Variants in TPRG1 observed in about 807,000 individuals in gnomAD.
TPRG1 encodes the protein tumor protein p63-regulated gene 1 protein.
TPRG1 carries 29 observed loss-of-function variants against 29.3 expected under a neutral mutation model. The ratio of observed to expected loss-of-function variants is 0.99; its 90% CI spans 0.74 to 1.35. The LOEUF (loss-of-function observed/expected upper bound fraction) is 1.35. TPRG1 is among the 40% of genes most tolerant of loss of function. TPRG1 has a pLI of 0.00. For synonymous variants in TPRG1, 130 were observed against 116.8 expected (o/e 1.11, Z -0.73); for missense variants, 327 against 335.0 (o/e 0.98, Z 0.19).
At chr3:189,187,217 G>C (rs1217877688) in intron 1 of TPRG1, among the ~76,000 whole-genome samples, 3 of 151,686 alleles carry the variant, frequency 2.0e-5, no homozygotes, top group Non-Finnish European at 2.9e-5. Context: ...CAAACCACTG[G>C]GCTCCAGCGA....
chr3:189,247,908 T>A (rs906662175), intron 4 of TPRG1, among the ~76,000 whole-genome samples: 1 of 151,954 alleles, frequency 6.6e-6, no homozygotes, highest in Non-Finnish European at 1.5e-5. Context: ...CTATTGAATA[T>A]TAATTGCAAG....
chr3:189,311,041 C>T (rs547954946), intron 5 of TPRG1, among the ~76,000 whole-genome samples: 1 of 152,130 alleles, frequency 6.6e-6, no homozygotes, highest in East Asian at 1.9e-4. Context: ...TATAAATACT[C>T]CATGAAGTGT....
intron 4 of TPRG1, among the ~76,000 whole-genome samples, chr3:189,243,660 G>T (rs1740962181): frequency 6.6e-6 from 1 of 152,004 alleles, no homozygotes; most frequent in African/African-American, 2.4e-5. Flanking sequence ...ATGAGTATAG[G>T]TTCTTAGAAG....
At chr3:189,179,337 C>T (rs543927139) in intron 1 of TPRG1, among the ~76,000 whole-genome samples, 1 of 152,296 alleles carries the variant, frequency 6.6e-6, no homozygotes, top group Admixed American at 6.5e-5. Context: ...TTTGTCACTT[C>T]CCCAGTGGTG....
At chr3:189,190,737 T>C (rs1731567996) in intron 1 of TPRG1, among the ~76,000 whole-genome samples, 1 of 152,186 alleles carries the variant, frequency 6.6e-6, no homozygotes, top group African/African-American at 2.4e-5. Flanking sequence ...TTTTTATAGA[T>C]AAAGAAGTTG....
At chr3:189,073,267 T>C (rs1716913998) in intron 4 of TPRG1, among the ~76,000 whole-genome samples, 2 of 152,338 alleles carry the variant, frequency 1.3e-5, no homozygotes, top group South Asian at 4.1e-4. Flanking sequence ...CCATTCTGTA[T>C]GTGTATTTCT....
intron 3 of TPRG1, among the ~76,000 whole-genome samples, chr3:189,136,554 C>T (rs1723768514): frequency 6.6e-6 from 1 of 152,178 alleles, no homozygotes; most frequent in African/African-American, 2.4e-5. Context: ...AGACTCCTGG[C>T]TTCAATTAAC....
At chr3:189,095,586 GC>G (rs1454126242), upstream of TPRG1, among the ~76,000 whole-genome samples, 2 of 152,200 alleles carry the variant, frequency 1.3e-5, no homozygotes, top group Admixed American at 1.3e-4. Context: ...GGAAAGCTTC[GC>G]CAACTTCAGG....
chr3:189,062,781 T>C (rs1716201696), intron 4 of TPRG1, among the ~76,000 whole-genome samples: 2 of 151,916 alleles, frequency 1.3e-5, no homozygotes, highest in African/African-American at 4.8e-5. Flanking sequence ...CTCTGAGAAA[T>C]ACTATAAATA....
At chr3:189,276,272 C>G (rs964069322) in intron 4 of TPRG1, among the ~76,000 whole-genome samples, 10 of 151,988 alleles carry the variant, frequency 6.6e-5, no homozygotes, top group Admixed American at 3.9e-4. Context: ...AACAGCAGAT[C>G]TTGATTTGGT....
At chr3:189,230,478 C>G (rs1738467297) in intron 3 of TPRG1, among the ~76,000 whole-genome samples, 2 of 152,138 alleles carry the variant, frequency 1.3e-5, no homozygotes, top group Admixed American at 1.3e-4. Flanking sequence ...CTGGCTTCTG[C>G]CCCAATCTCC....
At chr3:189,310,697 A>G (rs1374157953) in intron 5 of TPRG1, among the ~76,000 whole-genome samples, 158 bp downstream of exon 5, 1 of 152,132 alleles carries the variant, frequency 6.6e-6, no homozygotes, top group East Asian at 1.9e-4. Flanking sequence ...AAAAACGGTA[A>G]TAGGTTTATA....
rs1724585510 is a variant in TPRG1 at position 189,324,744 on chromosome 3, A to G, written c.*3924A>G. On this transcript the variant is annotated 3_prime_UTR_variant, in exon 6 of 6. Transcript: ENST00000345063. ...AGACCAAGTTGGAGAAAAGAAGATG[A>G]CTTGTGCCAAGGGGAAGAAAGAGAG... The G allele has an allele frequency of 6.6e-6, 1 of 152,188 alleles. No homozygotes were observed. The highest frequency in any genetic ancestry group is 1.5e-5 in the Non-Finnish European group (1 of 68,068). The allele number at this position is 152,188 out of a possible 1,614,324, so 9.4% of individuals were successfully genotyped here.
At chr3:189,218,606 C>T (rs541528888) in intron 3 of TPRG1, among the ~76,000 whole-genome samples, 1 of 152,284 alleles carries the variant, frequency 6.6e-6, no homozygotes, top group Non-Finnish European at 1.5e-5. Context: ...GTGTATAGCA[C>T]ATGTGAAATG....
intron 4 of TPRG1, among the ~76,000 whole-genome samples, chr3:189,064,151 G>A (rs1035704567): frequency 1.3e-5 from 2 of 152,118 alleles, no homozygotes; most frequent in African/African-American, 4.8e-5. Flanking sequence ...TGGTTACATA[G>A]GGATATAGTA....
chr3:189,108,203 A>T (rs1720052338), intron 1 of TPRG1, among the ~76,000 whole-genome samples: 1 of 152,128 alleles, frequency 6.6e-6, no homozygotes. Flanking sequence ...AATCCTGGAC[A>T]TCTGGAGAGT....
intron 1 of TPRG1, among the ~76,000 whole-genome samples, chr3:189,204,991 C>T (rs1734110195): frequency 7.5e-6 from 1 of 134,036 alleles, no homozygotes; most frequent in East Asian, 2.3e-4. Context: ...ACTCTTTCTC[C>T]TGCTTCTTCA....
At chr3:189,001,506 A>G (rs1560386851) in intron 2 of TPRG1, among the ~76,000 whole-genome samples, 1 of 152,142 alleles carries the variant, frequency 6.6e-6, no homozygotes, top group Non-Finnish European at 1.5e-5. Context: ...TGGAAGGGCA[A>G]ACAAGCTCCC....
intron 4 of TPRG1, among the ~76,000 whole-genome samples, chr3:189,293,966 C>T (rs1719445419): frequency 6.6e-6 from 1 of 152,232 alleles, no homozygotes; most frequent in Admixed American, 6.5e-5. Context: ...TTTCCAATAT[C>T]TTCTACTACC....
Sources: gnomAD v4.1 joint callset for allele counts (sites outside exome capture counted in the v4.1 genomes callset) on GRCh38, gnomAD v4.1.1 for gene constraint, MANE v1.5 for transcripts, NCBI Gene and HGNC (gene_info 2026-07-23, HGNC 2026-07-21) for gene names.